The following NSD2 variants were observed in gnomAD, a reference collection of about 807,000 sequenced individuals.
NSD2 encodes nuclear receptor binding SET domain protein 2, also known as histone-lysine N-methyltransferase NSD2.
NSD2 carries 12 observed loss-of-function variants against 139.0 expected under a neutral mutation model. That is an observed-to-expected ratio of 0.09 (90% CI 0.06 to 0.14). The LOEUF (loss-of-function observed/expected upper bound fraction) is 0.14. Ranked by LOEUF, NSD2 falls within the 10% of genes least tolerant of loss-of-function variation. The pLI, the probability that NSD2 is intolerant of heterozygous loss-of-function variation, is 1.00. For synonymous variants in NSD2, 669 were observed against 648.7 expected (o/e 1.03, Z -0.48); for missense variants, 1,155 against 1,745.0 (o/e 0.66, Z 6.02).
At chr4:1,882,337 T>C (rs1714762046) in intron 1 of NSD2, among the ~76,000 whole-genome samples, 1 of 152,190 alleles carries the variant, frequency 6.6e-6, no homozygotes, top group South Asian at 2.1e-4. Flanking sequence ...TGTTTCTGAC[T>C]GTGGAAACAA....
At chr4:1,874,902 G>T (rs1022506248) in intron 1 of NSD2, among the ~76,000 whole-genome samples, 2 of 152,198 alleles carry the variant, frequency 1.3e-5, no homozygotes, top group African/African-American at 2.4e-5. Flanking sequence ...CTTTGGGGGA[G>T]AAAAAGACTT....
chr4:1,922,927 TA>T (rs921231617), intron 5 of NSD2, among the ~76,000 whole-genome samples: 2 of 151,640 alleles, frequency 1.3e-5, no homozygotes, highest in Non-Finnish European at 2.9e-5. Flanking sequence ...TTCTGTCTCA[TA>T]AAAAATAAAA....
intron 3 of NSD2, among the ~76,000 whole-genome samples, chr4:1,905,659 G>A (rs1717795367): frequency 6.6e-6 from 1 of 152,230 alleles, no homozygotes; most frequent in Non-Finnish European, 1.5e-5. Context: ...GGCAGGCTGA[G>A]GACGAAGAGG....
At chr4:1,944,125 T>C (rs1376311939) in intron 9 of NSD2, 1 of 1,065,818 alleles carries the variant, frequency 9.4e-7, no homozygotes, top group Non-Finnish European at 1.1e-6. Flanking sequence ...ATTGGGAAGG[T>C]GGGCAGGGGC....
At chr4:1,947,389 G>A (rs1723743345) in intron 9 of NSD2, 1 of 1,061,126 alleles carries the variant, frequency 9.4e-7, no homozygotes, top group South Asian at 4.6e-5. Flanking sequence ...CAGGTTAGAA[G>A]ACGACTGTGG....
intron 1 of NSD2, among the ~76,000 whole-genome samples, chr4:1,896,811 T>C (rs1313509364): frequency 1.3e-5 from 2 of 151,910 alleles, no homozygotes; most frequent in Non-Finnish European, 2.9e-5. Flanking sequence ...TCTCATTCTT[T>C]CTTTCTTTCT....
At chr4:1,872,162 G>T (rs1240536510) in intron 1 of NSD2, among the ~76,000 whole-genome samples, 1 of 152,092 alleles carries the variant, frequency 6.6e-6, no homozygotes, top group African/African-American at 2.4e-5. Flanking sequence ...CCCCCGGGAA[G>T]CCGGGCCGCG....
At chr4:1,919,176 A>AAG (rs1392289741) in intron 5 of NSD2, 1 of 152,162 alleles carries the variant, frequency 6.6e-6, no homozygotes, top group African/African-American at 2.4e-5. Context: ...TCAAAAAAAA[A>AAG]AAAAAAAAAA....
chr4:1,912,136 T>C, intron 3 of NSD2: 1 of 402,042 alleles, frequency 2.5e-6, no homozygotes, highest in Non-Finnish European at 5.0e-6. Context: ...ACAAGTCAAA[T>C]TGTACTGAAA....
chr4:1,879,883 T>G (rs983817324), intron 1 of NSD2, among the ~76,000 whole-genome samples: 1 of 151,240 alleles, frequency 6.6e-6, no homozygotes. Flanking sequence ...TGTCATGCCT[T>G]TGTGAGTACT....
chr4:1,921,185 T>C (rs991598607), intron 5 of NSD2, among the ~76,000 whole-genome samples: 6 of 152,190 alleles, frequency 3.9e-5, no homozygotes, highest in Admixed American at 1.3e-4. Flanking sequence ...AGGCCAGGCA[T>C]GGTGGCTCAC....
intron 7 of NSD2, among the ~76,000 whole-genome samples, chr4:1,937,460 C>T (rs967891565): frequency 6.6e-6 from 1 of 152,196 alleles, no homozygotes. Flanking sequence ...ACCCTAGACA[C>T]TCAGAATACC....
chr4:1,901,186 T>C lies in NSD2; in HGVS notation c.532T>C (p.Leu178=), dbSNP rs1425021268. The change falls in exon 2 of 22, where the codon TTG becomes CTG. Residue 178 remains leucine, a synonymous_variant. Transcript: ENST00000508803. The part of the protein sequence containing the change: ...NRKRSIKYDS[L]LEQGLVEAAL... The stretch of plus-strand genomic sequence containing the variant: ...GAAGAGGAGCATAAAATATGACTCC[T>C]TGCTGGAGCAGGGCCTTGTCGAAGC... 2 of 1,612,082 alleles carry C rather than the reference T, an allele frequency of 1.2e-6. No individual in the cohort carries two copies. The highest frequency in any genetic ancestry group is 2.7e-5 in the African/African-American group (2 of 74,820).
chr4:1,909,945 A>T (rs982046499), intron 3 of NSD2, among the ~76,000 whole-genome samples: 3 of 129,326 alleles, frequency 2.3e-5, no homozygotes, highest in African/African-American at 9.5e-5. Context: ...GGCACCCGTT[A>T]AAAAAAAAAA....
rs201085081 is a variant in NSD2, at chr4:1,955,940, T to C, written c.2676-43T>C. 640 of 1,611,960 alleles carry C rather than the reference T, an allele frequency of 4.0e-4. No individual in the cohort carries two copies. The highest frequency in any genetic ancestry group is 5.4e-4 in the South Asian group (49 of 90,924). On this transcript the variant is annotated intron_variant, in intron 14 of 21. Coordinates refer to ENST00000508803, the MANE Select transcript of NSD2 (RefSeq NM_001042424.3). The surrounding 1 kb of genome is among the most constrained non-coding windows in gnomAD (Gnocchi z 4.7). ...TAAAGTATTGAAATTATTATCGCTGTCTCTGAGGAGTCTGTGAATCCTGTT... is the reference window on the plus strand; with the variant it reads ...TAAAGTATTGAAATTATTATCGCTGCCTCTGAGGAGTCTGTGAATCCTGTT...
intron 3 of NSD2, among the ~76,000 whole-genome samples, 158 bp from the exon 4 acceptor site, chr4:1,916,713 T>C (rs1719450006): frequency 6.6e-6 from 1 of 152,204 alleles, no homozygotes; most frequent in African/African-American, 2.4e-5. Flanking sequence ...TTTCCCTCTT[T>C]GGCATGTGGC....
intron 15 of NSD2, among the ~76,000 whole-genome samples, chr4:1,957,210 TCTTG>T (rs1724912003): frequency 6.6e-6 from 1 of 152,144 alleles, no homozygotes; most frequent in Non-Finnish European, 1.5e-5. Context: ...TTTCCTCGGT[TCTTG>T]CTTGAGCCTA....
At chr4:1,950,445 A>G (rs2108937380) in intron 9 of NSD2, among the ~76,000 whole-genome samples, 1 of 152,324 alleles carries the variant, frequency 6.6e-6, no homozygotes, top group African/African-American at 2.4e-5. Context: ...GAACAAGTGA[A>G]CTGTGAAATA....
rs1373881664 is a variant in NSD2, at chr4:1,981,282, C to T, written c.*2373C>T. On this transcript the variant is annotated 3_prime_UTR_variant, in exon 22 of 22. Coordinates refer to ENST00000508803, the MANE Select transcript of NSD2 (RefSeq NM_001042424.3). ...AATACCCGTTGATAACTCAGTGGAG[C>T]CAGGCTTTGGGGTAGCGGCCCTGAG... 1.3e-5 allele frequency: 3 copies of T among 233,216 alleles called. No individual in the cohort carries two copies. Among genetic ancestry groups the T allele is most frequent in the East Asian group, 6.0e-5 (1 of 16,612 alleles). The allele number at this position is 233,216 out of a possible 1,614,324, so 14.4% of individuals were successfully genotyped here. A position where few individuals can be genotyped will look rare whatever the true frequency, so the allele number is the denominator to read the frequency against.
Sources: allele counts gnomAD v4.1 joint callset (sites outside exome capture counted in the v4.1 genomes callset), GRCh38; gene constraint gnomAD v4.1.1; non-coding constraint Gnocchi (gnomAD v3.1); transcripts MANE v1.5; gene names NCBI Gene and HGNC (gene_info 2026-07-23, HGNC 2026-07-21).